The following GPAT3 variants were observed in gnomAD, a reference collection of about 807,000 sequenced individuals.
The protein encoded by GPAT3 is glycerol-3-phosphate acyltransferase 3.
Under a neutral mutation model 58.8 loss-of-function variants are expected in GPAT3, and 53 were observed. The observed-to-expected ratio is 0.90, with a 90% CI of 0.72 to 1.13. The LOEUF (loss-of-function observed/expected upper bound fraction) is 1.13, where lower values mean the gene tolerates loss of function less well. Ranked by LOEUF, GPAT3 falls within the 50% of genes most tolerant of loss-of-function variation. GPAT3 has a pLI of 0.00. For missense variants in GPAT3, 511 were observed against 527.6 expected, an observed-to-expected ratio of 0.97 and a Z score of 0.31; for synonymous variants, 197 against 187.4, an observed-to-expected ratio of 1.05 and a Z score of -0.42.
At chr4:83,594,779 A>T in intron 6 of GPAT3, 66 bp from the exon 7 acceptor site, 1 of 1,293,330 alleles carries the variant, frequency 7.7e-7, no homozygotes, top group Non-Finnish European at 1.1e-6. Context: ...ATTTGTTGGT[A>T]CTTAAAAAAC....
At chr4:83,584,731 C>T (rs1339085700) in intron 3 of GPAT3, among the ~76,000 whole-genome samples, 1 of 152,202 alleles carries the variant, frequency 6.6e-6, no homozygotes, top group Admixed American at 6.5e-5. Flanking sequence ...GTCTCAAACT[C>T]CTGACCTGAA....
intron 1 of GPAT3, among the ~76,000 whole-genome samples, chr4:83,537,237 G>C (rs756069747): frequency 6.6e-6 from 1 of 152,166 alleles, no homozygotes; most frequent in Non-Finnish European, 1.5e-5. Flanking sequence ...CCAATTGCTG[G>C]ATGGCAGAAA....
At chr4:83,581,095 C>CAAAA (rs35894737) in intron 2 of GPAT3, among the ~76,000 whole-genome samples, 2 of 70,258 alleles carry the variant, frequency 2.8e-5, no homozygotes, top group Non-Finnish European at 5.0e-5. Context: ...GACTCCGTCT[C>CAAAA]AAAAAAAAAA....
intron 11 of GPAT3, 61 bp from the exon 12 acceptor site, chr4:83,604,607 G>T: frequency 3.7e-6 from 5 of 1,359,474 alleles, no homozygotes; most frequent in Non-Finnish European, 5.2e-6. Context: ...TAATTATTAA[G>T]TTAACTCTTT....
At position 83,596,884 on chromosome 4, in the gene GPAT3, A is replaced by G. The variant is rs774349392; in HGVS notation, c.881A>G (p.Lys294Arg). 1 of 1,602,388 alleles carries G rather than the reference A, an allele frequency of 6.2e-7. No homozygotes were observed. The highest frequency in any genetic ancestry group is 8.5e-7 in the Non-Finnish European group (1 of 1,177,288). The change falls in exon 8 of 12, where the codon AAG becomes AGG. Residue 294 changes from lysine to arginine, a missense_variant. Physicochemically the swap from Lys to Arg is conservative, Grantham distance 26. Transcript: ENST00000264409. The part of the protein sequence containing the change: ...KRLKEHIADK[K>R]KLPILIFPEG... ...CTAAAAGAACATATTGCTGATAAGA[A>G]GAAACTACCCATACTAATTTTTCCT...
chr4:83,596,024 G>A (rs1726814174), intron 7 of GPAT3, among the ~76,000 whole-genome samples: 1 of 152,226 alleles, frequency 6.6e-6, no homozygotes, highest in South Asian at 2.1e-4. Flanking sequence ...CTGGAGAGAA[G>A]AGTTGGAAAT....
At chr4:83,582,540 A>G (rs570916826) in intron 3 of GPAT3, among the ~76,000 whole-genome samples, 65 of 152,290 alleles carry the variant, frequency 4.3e-4, no homozygotes, top group Non-Finnish European at 7.6e-4. Flanking sequence ...GTAGGCACGT[A>G]TACCAGCCAC....
At chr4:83,583,839 G>T (rs1436703244) in intron 3 of GPAT3, among the ~76,000 whole-genome samples, 2 of 151,918 alleles carry the variant, frequency 1.3e-5, no homozygotes, top group Admixed American at 1.3e-4. Context: ...GCCAGGTGTG[G>T]TGGCACATGC....
chr4:83,593,312 C>T (rs1374342687), intron 6 of GPAT3, among the ~76,000 whole-genome samples: 3 of 151,494 alleles, frequency 2.0e-5, no homozygotes, highest in Non-Finnish European at 4.4e-5. Context: ...TTACAGGTGA[C>T]CATCACCACA....
At chr4:83,547,440 G>A (rs1253344602) in intron 2 of GPAT3, among the ~76,000 whole-genome samples, 1 of 151,620 alleles carries the variant, frequency 6.6e-6, no homozygotes. Context: ...TTTTAGTAGA[G>A]ACGGGGTTTC....
In GPAT3 at chr4:83,544,619, A is replaced by G. The variant is rs1229238067; in HGVS notation, c.208+17A>G. The G allele has an allele frequency of 4.3e-6, 7 of 1,612,672 alleles. No individual in the cohort carries two copies. Among genetic ancestry groups the G allele is most frequent in the South Asian group, 3.3e-5 (3 of 91,026 alleles). ...CTTCTGTTGGTGAGTTTTCCTTTTC[A>G]TTATGATTGTTACCATATTTAAATT... On this transcript the variant is annotated intron_variant, in intron 2 of 11. Transcript: ENST00000264409.
At chr4:83,552,349 C>T (rs1412249561) in intron 2 of GPAT3, among the ~76,000 whole-genome samples, 1 of 152,226 alleles carries the variant, frequency 6.6e-6, no homozygotes, top group East Asian at 1.9e-4. Flanking sequence ...GGGGGCACTT[C>T]TCTCTCCTTC....
intron 2 of GPAT3, among the ~76,000 whole-genome samples, chr4:83,577,299 A>G (rs1725857252): frequency 6.6e-6 from 1 of 152,214 alleles, no homozygotes; most frequent in Non-Finnish European, 1.5e-5. Context: ...ACCAGAAAAA[A>G]AAAATTGCTG....
intron 3 of GPAT3, among the ~76,000 whole-genome samples, chr4:83,584,676 T>C (rs1726311755): frequency 6.6e-6 from 1 of 152,224 alleles, no homozygotes; most frequent in Admixed American, 6.5e-5. Context: ...TGGCTAATTT[T>C]TGTATTTTTA....
chr4:83,542,377 A>G (rs1391782040), intron 1 of GPAT3, among the ~76,000 whole-genome samples: 1 of 152,226 alleles, frequency 6.6e-6, no homozygotes, highest in Non-Finnish European at 1.5e-5. Context: ...CCTGCACTAA[A>G]TCCGCAAAAG....
intron 11 of GPAT3, among the ~76,000 whole-genome samples, chr4:83,600,668 A>G (rs879786604): frequency 1.5e-4 from 22 of 151,690 alleles, no homozygotes; most frequent in Admixed American, 1.2e-3. Flanking sequence ...ATCCCCAGCT[A>G]ATTTTTTTTG....
rs1199348777 is a variant in GPAT3 at position 83,536,679 on chromosome 4, C to T, written c.57C>T (p.Leu19=). 1 of 1,613,472 alleles carries T rather than the reference C, an allele frequency of 6.2e-7. No homozygotes were observed. The highest frequency in any genetic ancestry group is 2.2e-5 in the East Asian group (1 of 44,878). The change falls in exon 1 of 12, where the codon CTC becomes CTT. Residue 19 remains leucine (L), a synonymous_variant. Coordinates refer to ENST00000264409, the MANE Select transcript of GPAT3 (RefSeq NM_032717.5). The stretch of plus-strand genomic sequence containing the variant: ...TTTCCACCTGGCTGACGCTGGTTCT[C>T]GGCTTCATCCTTTTACCTTCGGTCT... The part of the protein sequence containing the change: ...KILSTWLTLV[L]GFILLPSVFG...
intron 2 of GPAT3, among the ~76,000 whole-genome samples, chr4:83,561,678 A>G (rs1442271241): frequency 6.6e-6 from 1 of 152,188 alleles, no homozygotes; most frequent in Non-Finnish European, 1.5e-5. Context: ...TACAAAAAGT[A>G]TAAGCCCAAC....
At chr4:83,596,964 A>G in intron 8 of GPAT3, 51 bp downstream of exon 8, 2 of 1,521,922 alleles carry the variant, frequency 1.3e-6, no homozygotes, top group Non-Finnish European at 1.8e-6. Flanking sequence ...CAAACCATCA[A>G]AAGTGTGTGA....
Sources: allele counts gnomAD v4.1 joint callset (sites outside exome capture counted in the v4.1 genomes callset), GRCh38; gene constraint gnomAD v4.1.1; transcripts MANE v1.5; gene names NCBI Gene and HGNC (gene_info 2026-07-23, HGNC 2026-07-21).